Variants in ZNF138 observed in about 807,000 individuals in gnomAD.
The protein encoded by ZNF138 is zinc finger protein 138 (clone pHZ-32).
A neutral mutation model predicts 33.0 loss-of-function variants in ZNF138; 33 were observed. The ratio of observed to expected loss-of-function variants is 1.00; its 90% CI spans 0.76 to 1.34. The LOEUF (loss-of-function observed/expected upper bound fraction) is 1.34, where lower values mean the gene tolerates loss of function less well. Among genes scored for constraint, ZNF138 ranks in the 40% most tolerant of loss-of-function variants. ZNF138 has a pLI of 0.00. For missense variants in ZNF138, 360 were observed against 370.8 expected (o/e 0.97, Z 0.24); for synonymous variants, 139 against 120.4 (o/e 1.15, Z -1.01).
At chr7:64,815,187 G>A (rs1419546750) in intron 2 of ZNF138, 143 bp downstream of exon 2, 4 of 931,276 alleles carry the variant, frequency 4.3e-6, no homozygotes, top group Middle Eastern at 2.4e-4. Flanking sequence ...TTTGAGATTT[G>A]TCAGTGTAGA....
At chr7:64,830,369 T>C (rs1278403879) in intron 3 of ZNF138, among the ~76,000 whole-genome samples, 1 of 152,130 alleles carries the variant, frequency 6.6e-6, no homozygotes, top group East Asian at 1.9e-4. Context: ...TTCATTGTTT[T>C]TGTTGTTATT....
chr7:64,821,291 G>C (rs1789127297), intron 3 of ZNF138, among the ~76,000 whole-genome samples: 1 of 150,902 alleles, frequency 6.6e-6, no homozygotes, highest in Non-Finnish European at 1.5e-5. Context: ...GAGTTTCACT[G>C]TGTTAGCTAG....
chr7:64,802,144 C>CA (rs940318214), intron 1 of ZNF138, among the ~76,000 whole-genome samples: 1 of 152,196 alleles, frequency 6.6e-6, no homozygotes, highest in Admixed American at 6.5e-5. Context: ...CAGAACAACT[C>CA]AAAGTGGCGG....
intron 1 of ZNF138, among the ~76,000 whole-genome samples, 155 bp from the exon 2 acceptor site, chr7:64,814,762 CA>C (rs56168096): frequency 0.28 from 41,588 of 148,388 alleles, 6,953 homozygotes; most frequent in Middle Eastern, 0.37. Flanking sequence ...GACTCTGTCT[CA>C]AAAAAAAAAA....
intron 1 of ZNF138, among the ~76,000 whole-genome samples, chr7:64,805,392 CTG>C (rs1787498170): frequency 1.8e-5 from 2 of 112,936 alleles, no homozygotes; most frequent in African/African-American, 6.2e-5. Flanking sequence ...GAGCAAGACT[CTG>C]TCTCAAAAAA....
intron 3 of ZNF138, among the ~76,000 whole-genome samples, chr7:64,829,340 C>G (rs1408175861): frequency 6.6e-6 from 1 of 151,584 alleles, no homozygotes; most frequent in Non-Finnish European, 1.5e-5. Flanking sequence ...TTCCTCCATT[C>G]TTTCAATATG....
chr7:64,800,478 G>A (rs959112476), intron 1 of ZNF138, among the ~76,000 whole-genome samples: 2 of 152,002 alleles, frequency 1.3e-5, no homozygotes, highest in Non-Finnish European at 2.9e-5. Flanking sequence ...TTAATGTAAC[G>A]AATCACATTT....
chr7:64,810,692 A>G (rs1010487333), intron 1 of ZNF138, among the ~76,000 whole-genome samples: 1 of 152,186 alleles, frequency 6.6e-6, no homozygotes, highest in African/African-American at 2.4e-5. Context: ...CCAGTGGCAT[A>G]GAGAGCAGAA....
At chr7:64,824,387 A>G (rs964027753) in intron 3 of ZNF138, among the ~76,000 whole-genome samples, 8 of 152,214 alleles carry the variant, frequency 5.3e-5, no homozygotes, top group African/African-American at 1.9e-4. Context: ...CACTTCTTGT[A>G]CAGTCTGCCA....
chr7:64,820,247 G>A (rs12154799), intron 3 of ZNF138, among the ~76,000 whole-genome samples: 149,051 of 151,322 alleles, frequency 0.98, 73,546 homozygotes, highest in East Asian at 1. Context: ...ATTTTATGGG[G>A]GCGGAGTGTG....
chr7:64,852,877 G>A, the ZNF138 span: 31 of 906,790 alleles, frequency 3.4e-5, no homozygotes, highest in Admixed American at 1.4e-4. Flanking sequence ...CTGTTTGGCC[G>A]CCCATTACAG....
intron 2 of ZNF138, 65 bp downstream of exon 2, chr7:64,815,109 G>C (rs1259266634): frequency 2.9e-6 from 4 of 1,358,344 alleles, no homozygotes; most frequent in East Asian, 2.7e-5. Flanking sequence ...TTTTTTTTTG[G>C]GTAGAATGTC....
Position 64,831,382 on chromosome 7 carries a change from T to C in ZNF138, c.209-69T>C, listed in dbSNP as rs1463134376. ...TATGTAGTTTGTATGATTTTATAGG[T>C]TAGATTTGTAAAGTATATTCATCTG... On this transcript the variant is annotated intron_variant, in intron 3 of 3. Transcript: ENST00000307355. 1.6e-5 allele frequency: 21 copies of C among 1,344,342 alleles called. No homozygotes were observed. The East Asian group carries it at 2.3e-4, about 15-fold the overall frequency. 83.3% of individuals were successfully genotyped at this position (1,344,342 alleles called of 1,614,324 possible). A position where few individuals can be genotyped will look rare whatever the true frequency, so the allele number is the denominator to read the frequency against.
At chr7:64,809,701 C>T (rs1380209759) in intron 1 of ZNF138, among the ~76,000 whole-genome samples, 42 of 143,638 alleles carry the variant, frequency 2.9e-4, no homozygotes, top group Admixed American at 1.4e-3. Context: ...ACTTCTCAGA[C>T]GGGGCGGTTG....
At chr7:64,821,280 G>A (rs921919858) in intron 3 of ZNF138, among the ~76,000 whole-genome samples, 8 of 150,836 alleles carry the variant, frequency 5.3e-5, no homozygotes, top group African/African-American at 1.2e-4. Flanking sequence ...TAATAGAGAC[G>A]GAGTTTCACT....
At chr7:64,840,479 CA>C in the ZNF138 span, among the ~76,000 whole-genome samples, 4 of 5,030 alleles carry the variant, frequency 8.0e-4, no homozygotes, top group Admixed American at 0.015. Context: ...ATATTTATGT[CA>C]TTATATGGCA....
At chr7:64,830,713 T>G (rs1790013105) in intron 3 of ZNF138, among the ~76,000 whole-genome samples, 1 of 152,184 alleles carries the variant, frequency 6.6e-6, no homozygotes, top group South Asian at 2.1e-4. Flanking sequence ...CATTGTAATC[T>G]TCAATTGAAA....
At chr7:64,807,228 G>C (rs1787676131) in intron 1 of ZNF138, among the ~76,000 whole-genome samples, 1 of 152,164 alleles carries the variant, frequency 6.6e-6, no homozygotes. Flanking sequence ...TGAGACCCCT[G>C]ATTTCCCACT....
intron 3 of ZNF138, 54 bp downstream of exon 3, chr7:64,815,707 GAA>G: frequency 1.3e-6 from 2 of 1,498,146 alleles, no homozygotes; most frequent in Non-Finnish European, 1.8e-6. Context: ...AGGCCAAGGA[GAA>G]GACCACTCCT....
Sources: allele counts gnomAD v4.1 joint callset (sites outside exome capture counted in the v4.1 genomes callset), GRCh38; gene constraint gnomAD v4.1.1; transcripts MANE v1.5; gene names NCBI Gene and HGNC (gene_info 2026-07-23, HGNC 2026-07-21).